Variants in USH2A observed in about 807,000 individuals in gnomAD.
USH2A encodes usherin, also known as Usher syndrome 2A (autosomal recessive, mild).
In USH2A, 443 loss-of-function variants were observed where a neutral mutation model predicts 538.9. The ratio of observed to expected loss-of-function variants is 0.82; its 90% confidence interval spans 0.76 to 0.89. The LOEUF (loss-of-function observed/expected upper bound fraction) is 0.89. Among genes scored for constraint, USH2A ranks in the 40% least tolerant of loss-of-function variants. USH2A has a pLI of 0.00. For missense variants in USH2A, 6,633 were observed against 6,324.8 expected (o/e 1.05, Z -1.65); for synonymous variants, 2,413 against 2,273.5 (o/e 1.06, Z -1.75).
At chr1:216,265,041 G>A (rs529689940) in intron 11 of USH2A, among the ~76,000 whole-genome samples, 11 of 152,146 alleles carry the variant, frequency 7.2e-5, no homozygotes, top group South Asian at 4.1e-4. Context: ...ATGCCCTTTC[G>A]CAGCAAAAGA....
At chr1:216,216,495 A>G (rs1271444662) in intron 15 of USH2A, among the ~76,000 whole-genome samples, 1 of 151,964 alleles carries the variant, frequency 6.6e-6, no homozygotes, top group African/African-American at 2.4e-5. Context: ...ATGATCTGTC[A>G]TGACTTGTGG....
At chr1:216,174,099 T>C in intron 21 of USH2A, 1 of 985,296 alleles carries the variant, frequency 1.0e-6, no homozygotes, top group Non-Finnish European at 1.2e-6. Flanking sequence ...TCATGATTCA[T>C]TACCAAGGTG....
intron 32 of USH2A, among the ~76,000 whole-genome samples, chr1:216,018,443 A>AACCCTTGCAAGCACAGAGCCTGGGG (rs1399475893): frequency 6.6e-6 from 1 of 152,150 alleles, no homozygotes. Flanking sequence ...TGCCCATCTG[A>AACCCTTGCAAGCACAGAGCCTGGGG]ACCCTTGCAA....
intron 47 of USH2A, among the ~76,000 whole-genome samples, chr1:215,829,866 G>A (rs181092137): frequency 2.0e-5 from 3 of 152,216 alleles, no homozygotes. Context: ...CTTCTGACTG[G>A]GGGGGAAAAG....
intron 36 of USH2A, among the ~76,000 whole-genome samples, chr1:215,967,155 C>G (rs539851183): frequency 1.7e-4 from 26 of 152,202 alleles, no homozygotes; most frequent in African/African-American, 5.8e-4. Context: ...CATACAAACA[C>G]TTTAATACAT....
chr1:216,394,529 T>C (rs538517362), intron 3 of USH2A, among the ~76,000 whole-genome samples: 1 of 152,234 alleles, frequency 6.6e-6, no homozygotes, highest in Admixed American at 6.5e-5. Context: ...ATATAAGTCA[T>C]TTTTAATGTA....
At chr1:215,743,820 C>CAAA (rs11422369) in intron 58 of USH2A, among the ~76,000 whole-genome samples, 7 of 117,622 alleles carry the variant, frequency 6.0e-5, no homozygotes, top group Non-Finnish European at 1.3e-4. Context: ...ACTCCGCCTC[C>CAAA]AAAAAAAAAA....
intron 35 of USH2A, among the ~76,000 whole-genome samples, chr1:215,986,085 A>G (rs1392239633): frequency 2.0e-5 from 3 of 151,976 alleles, no homozygotes; most frequent in Non-Finnish European, 2.9e-5. Flanking sequence ...ATGCTAGACC[A>G]TGTCTAATGG....
chr1:216,105,062 CTCT>C (rs1383180974), intron 21 of USH2A, among the ~76,000 whole-genome samples: 1 of 152,154 alleles, frequency 6.6e-6, no homozygotes, highest in Non-Finnish European at 1.5e-5. Flanking sequence ...TGAAAAAATG[CTCT>C]TCATCACTGG....
chr1:216,149,135 C>A (rs1263756324), intron 21 of USH2A, among the ~76,000 whole-genome samples: 1 of 152,124 alleles, frequency 6.6e-6, no homozygotes, highest in Non-Finnish European at 1.5e-5. Context: ...CACCCTGTAG[C>A]CTTTCTGTCC....
At chr1:215,801,978 A>G (rs1223742161) in intron 49 of USH2A, among the ~76,000 whole-genome samples, 2 of 152,082 alleles carry the variant, frequency 1.3e-5, no homozygotes, top group Admixed American at 1.3e-4. Flanking sequence ...ATATATGGGC[A>G]AATGATTTTC....
intron 70 of USH2A, among the ~76,000 whole-genome samples, chr1:215,630,418 A>G (rs939692445): frequency 6.7e-6 from 1 of 149,044 alleles, no homozygotes; most frequent in African/African-American, 2.5e-5. Context: ...ATGTGTGTGT[A>G]TATATATGTG....
intron 4 of USH2A, among the ~76,000 whole-genome samples, chr1:216,329,325 C>T (rs531520894): frequency 1.3e-5 from 2 of 152,144 alleles, no homozygotes; most frequent in East Asian, 3.9e-4. Context: ...TGACCTGGAT[C>T]CAGGATCTAA....
chr1:215,887,999 G>T (rs1293607843), intron 41 of USH2A, among the ~76,000 whole-genome samples: 1 of 152,140 alleles, frequency 6.6e-6, no homozygotes, highest in Non-Finnish European at 1.5e-5. Context: ...CCGTTAATAT[G>T]CTATTTTTAT....
At position 215,758,678 on chromosome 1, in the gene USH2A, A is replaced by G. The variant is rs769181654; in HGVS notation, c.11306T>C (p.Met3769Thr). The G allele has an allele frequency of 1.2e-6, 2 of 1,613,902 alleles. No individual in the cohort carries two copies. Among genetic ancestry groups the G allele is most frequent in the South Asian group, 1.1e-5 (1 of 91,082 alleles). ...ASDDYIVQTP[M>T]STPEEIYPPY... ...AGGATAGATTTCTTCTGGTGTTGAC[A>G]TAGGTGTTTGAACAATGTAATCATC... is the stretch of plus-strand genomic sequence containing the variant. Residue 3769 changes from methionine to threonine, a missense_variant, in exon 58 of 72, where the codon ATG becomes ACG. Met to Thr is a moderately conservative substitution (Grantham distance 81). Transcript: ENST00000307340.
chr1:215,664,198 G>A (rs977816139), intron 64 of USH2A, among the ~76,000 whole-genome samples: 1 of 152,042 alleles, frequency 6.6e-6, no homozygotes, highest in South Asian at 2.1e-4. Flanking sequence ...GATAGTGTGG[G>A]TTTTCTCAGG....
Position 216,325,453 on chromosome 1 carries a change from A to T in USH2A, c.995T>A (p.Val332Glu), listed in dbSNP as rs756860264. 1 of 1,613,792 alleles carries T rather than the reference A, an allele frequency of 6.2e-7. No individual in the cohort carries two copies. The highest frequency in any genetic ancestry group is 1.7e-5 in the Admixed American group (1 of 59,960). The change falls in exon 6 of 72, where the codon GTG becomes GAG. Residue 332 changes from valine (V) to glutamate (E), a missense_variant. Transcript: ENST00000307340. The stretch of plus-strand genomic sequence containing the variant: ...ATGGGCTTCAGGATTCAACCGTGAC[A>T]CTCTATTATCAGCTGTGTCTCCTGC... ...NDAGDTADNRVSRLNPEAHPL... is the reference protein window; with the variant it reads ...NDAGDTADNRESRLNPEAHPL...
At position 215,877,750 on chromosome 1, in the gene USH2A, A is replaced by G. The variant is rs996366896; in HGVS notation, c.8681+8T>C. 5.0e-6 allele frequency: 8 copies of G among 1,613,422 alleles called. No homozygotes were observed. The East Asian group carries it at 1.6e-4, about 31-fold the overall frequency. On this transcript the variant is annotated splice_region_variant and intron_variant, in intron 43 of 71. Transcript: ENST00000307340. ...CAGCATTTGTTTTTATAGTTTTTGT[A>G]ATCTCACCTGCTAAGACCCTTATCT...
intron 44 of USH2A, among the ~76,000 whole-genome samples, chr1:215,858,686 G>T (rs746683255): frequency 6.6e-6 from 1 of 151,602 alleles, no homozygotes; most frequent in Non-Finnish European, 1.5e-5. Flanking sequence ...AACCTTTTTG[G>T]ATAAGAGCTT....
Sources: gnomAD v4.1 joint callset for allele counts (sites outside exome capture counted in the v4.1 genomes callset) on GRCh38, gnomAD v4.1.1 for gene constraint, MANE v1.5 for transcripts, NCBI Gene and HGNC (gene_info 2026-07-23, HGNC 2026-07-21) for gene names.